JPT1: variants seen among roughly 807,000 people sequenced by gnomAD.
The protein encoded by JPT1 is Jupiter microtubule associated homolog 1, also known as androgen-regulated protein 2.
Under a neutral mutation model 17.0 loss-of-function variants are expected in JPT1, and 5 were observed. That is an observed-to-expected ratio of 0.29 (90% CI 0.15 to 0.62). JPT1 has a LOEUF of 0.62. Among genes scored for constraint, JPT1 ranks in the 20% least tolerant of loss-of-function variants. The pLI is 0.85. For missense variants in JPT1, 158 were observed against 188.1 expected (o/e 0.84, Z 0.94); for synonymous variants, 71 against 73.6 (o/e 0.96, Z 0.18).
chr17:75,136,781 C>T (rs1251805660), intron 4 of JPT1, among the ~76,000 whole-genome samples: 2 of 152,092 alleles, frequency 1.3e-5, no homozygotes, highest in Admixed American at 6.6e-5. Context: ...TGAGCCACCG[C>T]GCCTGGCCCA....
intron 1 of JPT1, among the ~76,000 whole-genome samples, chr17:75,152,361 T>C (rs1237692853): frequency 6.6e-6 from 1 of 152,224 alleles, no homozygotes; most frequent in Non-Finnish European, 1.5e-5. Flanking sequence ...TTGCAGATCA[T>C]TCCCTACCAG....
At chr17:75,146,021 G>A (rs1183138646) in intron 4 of JPT1, 1 of 152,162 alleles carries the variant, frequency 6.6e-6, no homozygotes, top group African/African-American at 2.4e-5. Flanking sequence ...TGAGGCCACA[G>A]TAAGCTGTGA....
chr17:75,145,098 A>T (rs2074398356), intron 4 of JPT1, among the ~76,000 whole-genome samples: 2 of 139,814 alleles, frequency 1.4e-5, no homozygotes, highest in Non-Finnish European at 3.0e-5. Flanking sequence ...CGGGAGGCAG[A>T]GGTTGAAGTG....
intron 4 of JPT1, among the ~76,000 whole-genome samples, chr17:75,141,866 C>T (rs1385903049): frequency 3.3e-5 from 5 of 151,314 alleles, no homozygotes; most frequent in African/African-American, 2.4e-5. Context: ...GTCAGGAGTT[C>T]GAGACCAGCC....
At chr17:75,146,077 C>CA (rs112131578) in intron 4 of JPT1, among the ~76,000 whole-genome samples, 110 of 144,722 alleles carry the variant, frequency 7.6e-4, no homozygotes, top group East Asian at 5.6e-3. Context: ...CACCTGGTCT[C>CA]AAAAAAAAAA....
At chr17:75,148,300 C>T (rs2074479538) in intron 2 of JPT1, among the ~76,000 whole-genome samples, 1 of 152,188 alleles carries the variant, frequency 6.6e-6, no homozygotes. Context: ...GGCTGGAGGG[C>T]AGTGGCTCAA....
chr17:75,141,762 T>C (rs1300263690), intron 4 of JPT1, among the ~76,000 whole-genome samples: 2 of 151,870 alleles, frequency 1.3e-5, no homozygotes, highest in Non-Finnish European at 2.9e-5. Context: ...ACTCCGTGTC[T>C]GCTAAAAATA....
intron 4 of JPT1, among the ~76,000 whole-genome samples, chr17:75,144,512 G>GAAAAAAATA (rs2074386386): frequency 6.6e-6 from 1 of 151,312 alleles, no homozygotes; most frequent in Admixed American, 6.6e-5. Flanking sequence ...ATTCAGTTTA[G>GAAAAAAATA]AAAAAAATAA....
intron 4 of JPT1, chr17:75,138,458 G>A (rs2074249725): frequency 6.6e-6 from 1 of 150,758 alleles, no homozygotes; most frequent in Non-Finnish European, 1.5e-5. Context: ...GCCCAGACTG[G>A]AGTAAAGTAG....
At chr17:75,150,859 T>TTTTTTTGTTTTG (rs1555652358) in intron 1 of JPT1, among the ~76,000 whole-genome samples, 1 of 140,194 alleles carries the variant, frequency 7.1e-6, no homozygotes, top group Non-Finnish European at 1.6e-5. Context: ...TTTTTTTTTT[T>TTTTTTTGTTTTG]TTTTTTTTTT....
chr17:75,153,598 C>G (rs892901997), intron 1 of JPT1: 1 of 152,288 alleles, frequency 6.6e-6, no homozygotes, highest in Non-Finnish European at 1.5e-5. Flanking sequence ...CGCGCCCGCC[C>G]CCGCCCCCCG....
intron 4 of JPT1, 141 bp downstream of exon 4, chr17:75,146,525 C>A: frequency 1.6e-6 from 1 of 607,398 alleles, no homozygotes; most frequent in Non-Finnish European, 3.0e-6. Context: ...GCGTTACTGG[C>A]AGATTAGAGT....
rs546957372 is a variant in JPT1 at position 75,154,502 on chromosome 17, G to A, written c.-105C>T. ...ACCCAACAGCCGACCACCGCTGCAG[G>A]AGCCGCCGCTGCCGCCTGTCCGGCC... On this transcript the variant is annotated 5_prime_UTR_variant, in exon 1 of 5. Coordinates refer to ENST00000409753, the MANE Select transcript of JPT1 (RefSeq NM_016185.4). 510 of 1,053,138 alleles carry A rather than the reference G, an allele frequency of 4.8e-4. 1 individual carries two copies. The highest frequency in any genetic ancestry group is 3.0e-3 in the Middle Eastern group (12 of 3,992). The allele number at this position is 1,053,138 out of a possible 1,614,324, so 65.2% of individuals were successfully genotyped here. A position where few individuals can be genotyped will look rare whatever the true frequency, so the allele number is the denominator to read the frequency against.
rs75555640 is a variant in JPT1, at chr17:75,139,547, G to A, written c.317-3297C>T. ...CTTTAAATGTCTGTCCAGGCCAGGT[G>A]CAGTGGCTCACACCTGTAATCCCAG... On this transcript the variant is annotated intron_variant, in intron 4 of 4. Coordinates refer to ENST00000409753, the MANE Select transcript of JPT1 (RefSeq NM_016185.4). Among the ~76,000 whole-genome samples, 16 of 152,208 alleles carry A rather than the reference G, an allele frequency of 1.1e-4. 2 individuals are homozygous for A. In the East Asian group the frequency reaches 3.1e-3, roughly 29 times the overall value.
In JPT1 at chr17:75,154,470, A is replaced by G. The variant is rs1281281580; in HGVS notation, c.-73T>C. 7 of 1,400,272 alleles carry G rather than the reference A, an allele frequency of 5.0e-6. No individual in the cohort carries two copies. Among genetic ancestry groups the G allele is most frequent in the Admixed American group, 2.1e-5 (1 of 47,954 alleles). The allele number at this position is 1,400,272 out of a possible 1,614,324, so 86.7% of individuals were successfully genotyped here. A position where few individuals can be genotyped will look rare whatever the true frequency, so the allele number is the denominator to read the frequency against. ...GGTCGGACCCGAGGGGCGCTGGGAA[A>G]CTCCACACCCAACAGCCGACCACCG... On this transcript the variant is annotated 5_prime_UTR_variant, in exon 1 of 5. Transcript: ENST00000409753.
At chr17:75,152,096 A>G (rs563653250) in intron 1 of JPT1, among the ~76,000 whole-genome samples, 5 of 152,332 alleles carry the variant, frequency 3.3e-5, no homozygotes, top group African/African-American at 1.2e-4. Context: ...GTAGTAACCA[A>G]CTCGGATGAC....
At chr17:75,138,280 A>C (rs2074245956) in intron 4 of JPT1, 1 of 152,130 alleles carries the variant, frequency 6.6e-6, no homozygotes, top group Admixed American at 6.6e-5. Context: ...TCTTTTTAAT[A>C]GCAAGTTTAT....
Position 75,154,454 on chromosome 17 carries a change from C to T in JPT1, c.-57G>A, listed in dbSNP as rs367596516. 247 of 1,496,952 alleles carry T rather than the reference C, an allele frequency of 1.7e-4. No homozygotes were observed. The highest frequency in any genetic ancestry group is 2.2e-4 in the Non-Finnish European group (239 of 1,110,086). The allele number at this position is 1,496,952 out of a possible 1,614,324, so 92.7% of individuals were successfully genotyped here. A position where few individuals can be genotyped will look rare whatever the true frequency, so the allele number is the denominator to read the frequency against. On this transcript the variant is annotated 5_prime_UTR_variant, in exon 1 of 5. Transcript: ENST00000409753. Reference sequence around the variant, plus strand: ...AGCAGAACGCTCAAAGGGTCGGACCCGAGGGGCGCTGGGAAACTCCACACC... The same window carrying T: ...AGCAGAACGCTCAAAGGGTCGGACCTGAGGGGCGCTGGGAAACTCCACACC...
In JPT1 at chr17:75,146,659, T is replaced by C. The variant is rs12946721; in HGVS notation, c.316+7A>G. 11,169 of 1,539,392 alleles carry C rather than the reference T, an allele frequency of 7.3e-3. 65 individuals carry two copies. The highest frequency in any genetic ancestry group is 0.02 in the Admixed American group (1,033 of 51,136). On this transcript the variant is annotated splice_region_variant and intron_variant, in intron 4 of 4. Transcript: ENST00000409753. ...GAGCCAGAAATTTGGTCTTCAGAAG[T>C]ACTTACCATGAATATCACCTTCTCC...
Sources: gnomAD v4.1 joint callset for allele counts (sites outside exome capture counted in the v4.1 genomes callset) on GRCh38, gnomAD v4.1.1 for gene constraint, MANE v1.5 for transcripts, NCBI Gene and HGNC (gene_info 2026-07-23, HGNC 2026-07-21) for gene names.